Variants in CEP126 observed in about 807,000 individuals in gnomAD.
The protein encoded by CEP126 is centrosomal protein of 126 kDa.
CEP126 carries 74 observed loss-of-function variants against 107.8 expected under a neutral mutation model. The ratio of observed to expected loss-of-function variants is 0.69; its 90% CI spans 0.57 to 0.83. The LOEUF is 0.83. Among genes scored for constraint, CEP126 ranks in the 40% least tolerant of loss-of-function variants. The pLI is 0.00. For missense variants in CEP126, 1,237 were observed against 1,281.9 expected, an observed-to-expected ratio of 0.96 and a Z score of 0.53; for synonymous variants, 449 against 446.0, an observed-to-expected ratio of 1.01 and a Z score of -0.08.
chr11:101,956,487 C>T (rs1940893662), intron 4 of CEP126: 1 of 456,486 alleles, frequency 2.2e-6, no homozygotes, highest in Non-Finnish European at 4.4e-6. Flanking sequence ...CCACCAGCCT[C>T]AGTTCTCTCC....
chr11:101,953,061 T>G (rs1455970366), intron 4 of CEP126, among the ~76,000 whole-genome samples: 2 of 152,198 alleles, frequency 1.3e-5, no homozygotes, highest in African/African-American at 2.4e-5. Context: ...GCTTACATTA[T>G]CACAATGGGT....
chr11:101,950,944 G>A (rs940950558), intron 4 of CEP126, among the ~76,000 whole-genome samples: 2 of 152,284 alleles, frequency 1.3e-5, no homozygotes, highest in African/African-American at 4.8e-5. Flanking sequence ...TGGTGCAAAT[G>A]TTGGAGAATA....
chr11:101,966,056 C>G (rs1052520015), intron 6 of CEP126, among the ~76,000 whole-genome samples: 1 of 152,088 alleles, frequency 6.6e-6, no homozygotes, highest in Non-Finnish European at 1.5e-5. Context: ...TCTGGAGAAA[C>G]CAATATTTTC....
chr11:101,945,207 A>G (rs1174709203), intron 3 of CEP126, among the ~76,000 whole-genome samples: 1 of 152,230 alleles, frequency 6.6e-6, no homozygotes, highest in Non-Finnish European at 1.5e-5. Flanking sequence ...GACATCAAGG[A>G]CATCATTCTT....
In CEP126 at chr11:101,978,460, G is replaced by A. The variant is rs761978573; in HGVS notation, c.2958+1G>A. On this transcript the variant is annotated splice_donor_variant, in intron 7 of 10. Transcript: ENST00000263468. LOFTEE classifies it high-confidence loss of function. ...ACAGAAGTACAGTGAGCAAATTAAT[G>A]TAAGTATGGTATTAATCAAAATCTC... 9 of 1,545,892 alleles carry A rather than the reference G, an allele frequency of 5.8e-6. No individual in the cohort carries two copies. In the East Asian group the frequency reaches 6.7e-5, roughly 12 times the overall value.
intron 1 of CEP126, among the ~76,000 whole-genome samples, chr11:101,917,810 GC>G (rs1940250822): frequency 6.6e-6 from 1 of 152,042 alleles, no homozygotes; most frequent in South Asian, 2.1e-4. Flanking sequence ...TTCTGCCTCA[GC>G]CACTCAATAA....
chr11:101,966,380 C>T (rs1941057365), intron 6 of CEP126, among the ~76,000 whole-genome samples: 1 of 151,966 alleles, frequency 6.6e-6, no homozygotes, highest in African/African-American at 2.4e-5. Context: ...CTCTTATTTG[C>T]AGTTCATTTT....
At chr11:101,995,171 A>G (rs907958383) in intron 10 of CEP126, among the ~76,000 whole-genome samples, 1 of 152,014 alleles carries the variant, frequency 6.6e-6, no homozygotes, top group Admixed American at 6.6e-5. Context: ...TTGCCTTGGC[A>G]CTGGGTTCTG....
At position 101,962,967 on chromosome 11, in the gene CEP126, A is replaced by G. The variant is rs140149967; in HGVS notation, c.1932A>G (p.Glu644=). The part of the protein sequence containing the change: ...DETSNIENNA[E]NSHSLKNKTG... ...CTAGCAATATAGAAAACAATGCTGAAAACAGTCATTCACTGAAGAATAAAA... is the reference window on the plus strand; with the variant it reads ...CTAGCAATATAGAAAACAATGCTGAGAACAGTCATTCACTGAAGAATAAAA... Residue 644 remains glutamate (E), a synonymous_variant, in exon 6 of 11, where the codon GAA becomes GAG. Coordinates refer to ENST00000263468, the MANE Select transcript of CEP126 (RefSeq NM_020802.4). 6.2e-6 allele frequency: 10 copies of G among 1,611,788 alleles called. No individual in the cohort carries two copies. Among genetic ancestry groups the G allele is most frequent in the African/African-American group, 1.3e-5 (1 of 74,772 alleles).
intron 2 of CEP126, among the ~76,000 whole-genome samples, chr11:101,937,428 C>T (rs866337869): frequency 3.3e-5 from 5 of 152,334 alleles, no homozygotes; most frequent in Middle Eastern, 6.8e-3. Context: ...CAGACAACAG[C>T]AATAGCAAAC....
At chr11:101,969,431 TAA>T (rs1326714948) in intron 6 of CEP126, among the ~76,000 whole-genome samples, 1 of 152,118 alleles carries the variant, frequency 6.6e-6, no homozygotes, top group Non-Finnish European at 1.5e-5. Flanking sequence ...TGAGAGAACT[TAA>T]AAGAGGCAGG....
At chr11:101,950,523 C>T (rs1193064743) in intron 4 of CEP126, among the ~76,000 whole-genome samples, 3 of 152,152 alleles carry the variant, frequency 2.0e-5, no homozygotes, top group African/African-American at 7.2e-5. Flanking sequence ...CATTATAATA[C>T]TGTTTGTTGG....
At chr11:101,996,319 G>C (rs1390205035) in intron 10 of CEP126, among the ~76,000 whole-genome samples, 1 of 152,128 alleles carries the variant, frequency 6.6e-6, no homozygotes, top group Non-Finnish European at 1.5e-5. Flanking sequence ...GCTTCAATTT[G>C]TTTACCCACA....
chr11:101,942,511 A>C (rs1236712468), intron 2 of CEP126, among the ~76,000 whole-genome samples: 1 of 149,230 alleles, frequency 6.7e-6, no homozygotes, highest in East Asian at 1.9e-4. Context: ...GATTACCATA[A>C]ATTTGTAGTA....
chr11:101,965,373 G>A lies in CEP126; in HGVS notation c.2845+1493G>A, dbSNP rs1022384563. Among the ~76,000 whole-genome samples, 5 of 152,264 alleles carry A rather than the reference G, an allele frequency of 3.3e-5. No homozygotes were observed. The South Asian group carries it at 1.0e-3, about 32-fold the overall frequency. On this transcript the variant is annotated intron_variant, in intron 6 of 10. Transcript: ENST00000263468. ...GTTTTTAAGGCCAAGGGACATTTGT[G>A]TAATTCATCACAGTATCCCCAGATC...
Position 101,936,737 on chromosome 11 carries a change from C to T in CEP126, c.249-7528C>T, listed in dbSNP as rs546029752. ...CTATCAGATTGAAAAAGTTTCCTCT[C>T]ATTCCTAGTTTGCTGAGAATTTTTA... is the stretch of plus-strand genomic sequence containing the variant. On this transcript the variant is annotated intron_variant, in intron 2 of 10. Transcript: ENST00000263468. Among the ~76,000 whole-genome samples, 3 of 152,282 alleles carry T rather than the reference C, an allele frequency of 2.0e-5. No individual in the cohort carries two copies. In the South Asian group the frequency reaches 6.2e-4, roughly 32 times the overall value.
At chr11:101,929,570 G>A (rs1940462713) in intron 2 of CEP126, among the ~76,000 whole-genome samples, 2 of 152,140 alleles carry the variant, frequency 1.3e-5, no homozygotes, top group Non-Finnish European at 2.9e-5. Flanking sequence ...CTGGATGGTA[G>A]TGAAAGTCAT....
chr11:101,962,228 C>T lies in CEP126; in HGVS notation c.1193C>T (p.Thr398Ile). 6.2e-6 allele frequency: 10 copies of T among 1,613,958 alleles called. No individual in the cohort carries two copies. Among genetic ancestry groups the T allele is most frequent in the Non-Finnish European group, 7.6e-6 (9 of 1,179,868 alleles). Residue 398 changes from threonine to isoleucine, a missense_variant, in exon 6 of 11, where the codon ACT becomes ATT. Thr to Ile is a moderately conservative substitution (Grantham distance 89). Transcript: ENST00000263468. Reference sequence around the variant, plus strand: ...AGCACTATGAGGACAACTGACTCCACTTCTGGAGCATTCAAAAGAGAGAGA... The same window carrying T: ...AGCACTATGAGGACAACTGACTCCATTTCTGGAGCATTCAAAAGAGAGAGA... Reference protein sequence around the residue: ...ETSTMRTTDSTSGAFKRERPL... With the variant: ...ETSTMRTTDSISGAFKRERPL...
At position 101,948,051 on chromosome 11, in the gene CEP126, C is replaced by T; in HGVS notation, c.415C>T (p.Pro139Ser). ...TTTAGTTTCCCGAAAACCAGTTCCT[C>T]CATTAGAAGAGGCCCTCAAACAAAT... Reference protein sequence around the residue: ...RKAVSRKPVPPLEEALKQIQE... With the variant: ...RKAVSRKPVPSLEEALKQIQE... The change falls in exon 4 of 11, where the codon CCA becomes TCA. Residue 139 changes from proline to serine, a missense_variant. By Grantham distance (74) the Pro-to-Ser change is moderately conservative (BLOSUM62 -1). Around this residue, in one of 3 missense-constraint regions of CEP126, gnomAD observed 1,134 missense variants for 1,150.5 expected, o/e 0.99. Coordinates refer to ENST00000263468, the MANE Select transcript of CEP126 (RefSeq NM_020802.4). 6.2e-7 allele frequency: 1 copy of T among 1,610,656 alleles called. No homozygotes were observed.
Sources: allele counts gnomAD v4.1 joint callset (sites outside exome capture counted in the v4.1 genomes callset), GRCh38; gene constraint gnomAD v4.1.1; regional missense constraint gnomAD v4.1.1; transcripts MANE v1.5; gene names NCBI Gene and HGNC (gene_info 2026-07-23, HGNC 2026-07-21).